Variants in ACOXL observed in about 807,000 individuals in gnomAD.
The protein encoded by ACOXL is acyl-coenzyme A oxidase-like protein.
In ACOXL, 70 loss-of-function variants were observed where a neutral mutation model predicts 71.9. The observed-to-expected ratio is 0.97, with a 90% confidence interval of 0.80 to 1.19. The LOEUF is 1.19. Ranked by LOEUF, ACOXL falls within the 50% of genes most tolerant of loss-of-function variation. The pLI, the probability that ACOXL is intolerant of heterozygous loss-of-function variation, is 0.00. For synonymous variants in ACOXL, 253 were observed against 281.6 expected (o/e 0.90, Z 1.02); for missense variants, 703 against 736.3 (o/e 0.95, Z 0.52).
chr2:110,833,565 A>G (rs144893679), intron 9 of ACOXL, among the ~76,000 whole-genome samples: 358 of 152,218 alleles, frequency 2.4e-3, no homozygotes, highest in African/African-American at 8.0e-3. Flanking sequence ...TACCATTGTG[A>G]GATACTGGAT....
At chr2:110,795,411 A>G (rs1313703017) in intron 5 of ACOXL, among the ~76,000 whole-genome samples, 1 of 152,034 alleles carries the variant, frequency 6.6e-6, no homozygotes, top group African/African-American at 2.4e-5. Flanking sequence ...TGTGTATCAA[A>G]CTCCCTCTGT....
At chr2:110,810,217 G>T (rs1687141834) in intron 9 of ACOXL, among the ~76,000 whole-genome samples, 1 of 152,146 alleles carries the variant, frequency 6.6e-6, no homozygotes, top group African/African-American at 2.4e-5. Flanking sequence ...TCAGGCCTTT[G>T]TCTGTTTTCT....
At chr2:110,931,146 C>T (rs1254677042) in intron 11 of ACOXL, among the ~76,000 whole-genome samples, 1 of 152,154 alleles carries the variant, frequency 6.6e-6, no homozygotes, top group Non-Finnish European at 1.5e-5. Flanking sequence ...TTAAGACATA[C>T]TCCTCCTGTA....
intron 14 of ACOXL, among the ~76,000 whole-genome samples, chr2:111,008,346 C>T (rs1322800285): frequency 1.3e-5 from 2 of 152,180 alleles, no homozygotes; most frequent in African/African-American, 4.8e-5. Flanking sequence ...ATTCCAGCTA[C>T]CCCCTTTCCA....
chr2:110,941,785 T>C (rs1463076416), intron 12 of ACOXL, among the ~76,000 whole-genome samples: 1 of 152,160 alleles, frequency 6.6e-6, no homozygotes, highest in East Asian at 1.9e-4. Context: ...AGATAATTCA[T>C]CACCAACAGA....
At chr2:110,903,966 C>G (rs922184398) in intron 10 of ACOXL, among the ~76,000 whole-genome samples, 2 of 152,266 alleles carry the variant, frequency 1.3e-5, no homozygotes, top group African/African-American at 4.8e-5. Context: ...CTGCATGGGG[C>G]TGATGGTGGC....
At chr2:111,079,961 G>T (rs961056127) in intron 16 of ACOXL, among the ~76,000 whole-genome samples, 1 of 151,836 alleles carries the variant, frequency 6.6e-6, no homozygotes, top group Non-Finnish European at 1.5e-5. Context: ...GAGGGTGTAT[G>T]TGTCCCAGAA....
intron 10 of ACOXL, among the ~76,000 whole-genome samples, chr2:110,843,185 A>G (rs1046146180): frequency 6.6e-6 from 1 of 152,204 alleles, no homozygotes; most frequent in Non-Finnish European, 1.5e-5. Flanking sequence ...GCTCTAGTTC[A>G]GTGACAAGCT....
chr2:110,743,739 C>G (rs1677827345), intron 1 of ACOXL, among the ~76,000 whole-genome samples: 1 of 152,170 alleles, frequency 6.6e-6, no homozygotes. Flanking sequence ...AGAATTTTTC[C>G]TAGCCCTTAG....
At chr2:110,846,260 G>A (rs191474588) in intron 10 of ACOXL, among the ~76,000 whole-genome samples, 9 of 152,282 alleles carry the variant, frequency 5.9e-5, no homozygotes, top group African/African-American at 2.2e-4. Flanking sequence ...GTAGACAGAA[G>A]AGGGGATGAA....
intron 14 of ACOXL, among the ~76,000 whole-genome samples, chr2:111,026,881 G>A (rs1037989509): frequency 1.3e-5 from 2 of 152,038 alleles, no homozygotes; most frequent in Admixed American, 6.6e-5. Context: ...TTTGTGTTTT[G>A]TTGTTGTTGT....
chr2:110,856,328 G>C (rs1013781745), intron 10 of ACOXL, among the ~76,000 whole-genome samples: 1 of 152,090 alleles, frequency 6.6e-6, no homozygotes, highest in African/African-American at 2.4e-5. Flanking sequence ...TTACCCACCC[G>C]TTAGTCACTT....
chr2:110,890,275 T>C (rs1697789510), intron 10 of ACOXL, among the ~76,000 whole-genome samples: 1 of 147,978 alleles, frequency 6.8e-6, no homozygotes, highest in African/African-American at 2.4e-5. Context: ...ACTTTCTTGA[T>C]GATTTTCTTT....
At chr2:110,740,634 G>T (rs1201398432) in intron 1 of ACOXL, among the ~76,000 whole-genome samples, 1 of 152,208 alleles carries the variant, frequency 6.6e-6, no homozygotes, top group Non-Finnish European at 1.5e-5. Flanking sequence ...CTTTGTATTT[G>T]TAAACTTGAA....
chr2:110,864,228 T>C (rs1279401933), intron 10 of ACOXL, among the ~76,000 whole-genome samples: 1 of 152,068 alleles, frequency 6.6e-6, no homozygotes, highest in African/African-American at 2.4e-5. Context: ...GCATCTCCCA[T>C]AGTGGGAGAT....
intron 7 of ACOXL, among the ~76,000 whole-genome samples, chr2:110,800,469 G>A (rs1047702029): frequency 5.3e-5 from 8 of 151,986 alleles, no homozygotes; most frequent in African/African-American, 1.5e-4. Context: ...CTTCAAATAA[G>A]GTCACATACA....
chr2:110,906,661 A>T (rs925307061), intron 10 of ACOXL, among the ~76,000 whole-genome samples: 3 of 152,032 alleles, frequency 2.0e-5, no homozygotes, highest in African/African-American at 7.2e-5. Context: ...GTTGTGGTCA[A>T]TCACTGCTTT....
intron 1 of ACOXL, among the ~76,000 whole-genome samples, chr2:110,759,690 CCTGA>C (rs1344706000): frequency 6.6e-6 from 1 of 152,006 alleles, no homozygotes; most frequent in African/African-American, 2.4e-5. Flanking sequence ...TTAGAGTTTT[CCTGA>C]CTATTTTTGT....
chr2:110,798,917 G>A (rs1232066304), intron 6 of ACOXL, 97 bp from the exon 7 acceptor site: 1 of 1,329,546 alleles, frequency 7.5e-7, no homozygotes, highest in Admixed American at 1.7e-5. Flanking sequence ...TTGTAGAACT[G>A]AATGAGTTTG....
Sources: allele counts gnomAD v4.1 joint callset (sites outside exome capture counted in the v4.1 genomes callset), GRCh38; gene constraint gnomAD v4.1.1; transcripts MANE v1.5; gene names NCBI Gene and HGNC (gene_info 2026-07-23, HGNC 2026-07-21).